OSBP2: variants seen among roughly 807,000 people sequenced by gnomAD.
OSBP2 encodes the protein oxysterol-binding protein 2.
A neutral mutation model predicts 96.0 loss-of-function variants in OSBP2; 66 were observed. That is an observed-to-expected ratio of 0.69 (90% CI 0.56 to 0.84). The LOEUF is 0.84. Ranked by LOEUF, OSBP2 falls within the 40% of genes least tolerant of loss-of-function variation. The pLI is 0.00. For missense variants in OSBP2, 1,038 were observed against 1,222.7 expected (o/e 0.85, Z 2.25); for synonymous variants, 525 against 520.9 (o/e 1.01, Z -0.11).
In OSBP2 at chr22:30,815,423, G is replaced by A. The variant is rs896208661; in HGVS notation, c.854-55006G>A. 1.7e-4 allele frequency among the ~76,000 whole-genome samples: 26 copies of A among 152,256 alleles called. 4 individuals are homozygous for A. Among genetic ancestry groups the A allele is most frequent in the Admixed American group, 1.5e-3 (23 of 15,300 alleles). ...GACACCTACTCCTTCGATATCTTCT[G>A]TACTTCCTCTGTCCTCTTGGGAAAG... On this transcript the variant is annotated intron_variant, in intron 2 of 13. Coordinates refer to ENST00000332585, the MANE Select transcript of OSBP2 (RefSeq NM_030758.4).
chr22:30,847,804 T>C (rs933133670), intron 2 of OSBP2, among the ~76,000 whole-genome samples: 1 of 152,218 alleles, frequency 6.6e-6, no homozygotes, highest in Admixed American at 6.5e-5. Context: ...GTTCTTTGTC[T>C]GTGAGATCTG....
chr22:30,723,879 C>T (rs1227318494), intron 1 of OSBP2, among the ~76,000 whole-genome samples: 1 of 152,122 alleles, frequency 6.6e-6, no homozygotes, highest in African/African-American at 2.4e-5. Flanking sequence ...GTGGATGAAC[C>T]CACATCGTTA....
Position 30,789,285 on chromosome 22 carries a change from G to A in OSBP2, c.853+47916G>A, listed in dbSNP as rs1002341153. Among the ~76,000 whole-genome samples, 9 of 152,290 alleles carry A rather than the reference G, an allele frequency of 5.9e-5. No individual in the cohort carries two copies. The East Asian group carries it at 1.7e-3, about 29-fold the overall frequency. On this transcript the variant is annotated intron_variant, in intron 2 of 13. Transcript: ENST00000332585. The stretch of plus-strand genomic sequence containing the variant: ...TCTGAGATGCAGCCTCGAGGTTGTA[G>A]GAGAGAGGATCTGGGAAGAAGTCCA...
chr22:30,777,184 T>C (rs557310544), intron 2 of OSBP2, among the ~76,000 whole-genome samples: 1 of 152,156 alleles, frequency 6.6e-6, no homozygotes, highest in African/African-American at 2.4e-5. Flanking sequence ...GAAGGCTCGA[T>C]TGGTTTTGAA....
At chr22:30,891,964 A>T (rs1343266927) in intron 8 of OSBP2, among the ~76,000 whole-genome samples, 1 of 152,124 alleles carries the variant, frequency 6.6e-6, no homozygotes, top group East Asian at 1.9e-4. Context: ...AGCTTTGCTG[A>T]TGCAGAAAGA....
chr22:30,749,116 T>TACAA (rs750175978), intron 2 of OSBP2, among the ~76,000 whole-genome samples: 3 of 152,114 alleles, frequency 2.0e-5, no homozygotes, highest in South Asian at 4.1e-4. Context: ...AGACTCTGTC[T>TACAA]ACAAACAAAC....
intron 2 of OSBP2, among the ~76,000 whole-genome samples, chr22:30,794,022 T>G (rs2090718607): frequency 1.3e-5 from 2 of 152,158 alleles, no homozygotes; most frequent in South Asian, 4.1e-4. Context: ...TGCCATAACA[T>G]GGACATCCTT....
chr22:30,808,172 G>T (rs1393504753), intron 2 of OSBP2, among the ~76,000 whole-genome samples: 4 of 152,128 alleles, frequency 2.6e-5, no homozygotes, highest in Non-Finnish European at 5.9e-5. Context: ...TGTCATAAGC[G>T]AGGTATACAC....
At chr22:30,891,340 G>A (rs994354174) in intron 8 of OSBP2, among the ~76,000 whole-genome samples, 4 of 152,312 alleles carry the variant, frequency 2.6e-5, no homozygotes, top group Non-Finnish European at 5.9e-5. Context: ...CTGGCAGGAG[G>A]AGCCTGGGTG....
At chr22:30,745,379 G>C (rs544989419) in intron 2 of OSBP2, among the ~76,000 whole-genome samples, 1 of 152,182 alleles carries the variant, frequency 6.6e-6, no homozygotes, top group East Asian at 1.9e-4. Flanking sequence ...TTAAAGTTGG[G>C]CTGGGCGTGG....
At chr22:30,868,594 C>G (rs1158288088) in intron 2 of OSBP2, among the ~76,000 whole-genome samples, 2 of 152,266 alleles carry the variant, frequency 1.3e-5, no homozygotes, top group Non-Finnish European at 2.9e-5. Flanking sequence ...TTCTGGGCTG[C>G]TGGGGCCTCC....
At chr22:30,697,153 A>T (rs1221664718) in intron 1 of OSBP2, among the ~76,000 whole-genome samples, 2 of 152,238 alleles carry the variant, frequency 1.3e-5, no homozygotes, top group Non-Finnish European at 2.9e-5. Context: ...GGTACTACTA[A>T]ACTGAAGAGT....
At chr22:30,732,358 T>A (rs1355903622) in intron 1 of OSBP2, among the ~76,000 whole-genome samples, 1 of 152,104 alleles carries the variant, frequency 6.6e-6, no homozygotes, top group Admixed American at 6.6e-5. Context: ...TCCTCTGGGT[T>A]TTATTCCAGA....
chr22:30,858,162 C>T (rs1200707522), intron 2 of OSBP2, among the ~76,000 whole-genome samples: 3 of 140,244 alleles, frequency 2.1e-5, no homozygotes, highest in Non-Finnish European at 4.5e-5. Context: ...TTTTTTGAGA[C>T]GGAGTCTCGC....
intron 2 of OSBP2, among the ~76,000 whole-genome samples, chr22:30,805,600 C>G (rs1367776912): frequency 6.6e-6 from 1 of 152,184 alleles, no homozygotes; most frequent in Non-Finnish European, 1.5e-5. Flanking sequence ...ATATTTCTTA[C>G]CATTGTCTAC....
Position 30,730,810 on chromosome 22 carries a change from T to TATATATTA in OSBP2, c.645-10351_645-10350insATATATTA, listed in dbSNP as rs1491091512. On this transcript the variant is annotated intron_variant, in intron 1 of 13. Coordinates refer to ENST00000332585, the MANE Select transcript of OSBP2 (RefSeq NM_030758.4). ...TATATATATATATATATATATATAA[T>TATATATTA]TTTTTTTTTTTTTCCCATGGACATT... Among the ~76,000 whole-genome samples the TATATATTA allele has an allele frequency of 3.7e-5, 2 of 54,782 alleles. 1 individual carries two copies. Among genetic ancestry groups the TATATATTA allele is most frequent in the African/African-American group, 1.8e-4 (2 of 11,002 alleles). 35.9% of individuals were successfully genotyped at this position (54,782 alleles called of 152,430 possible).
At chr22:30,696,091 C>T (rs1357655639) in intron 1 of OSBP2, among the ~76,000 whole-genome samples, 1 of 152,156 alleles carries the variant, frequency 6.6e-6, no homozygotes, top group Admixed American at 6.5e-5. Flanking sequence ...ATGTATTGGA[C>T]ACGGTTCTTG....
intron 2 of OSBP2, among the ~76,000 whole-genome samples, chr22:30,855,838 G>T (rs1223277299): frequency 6.6e-6 from 1 of 152,228 alleles, no homozygotes; most frequent in African/African-American, 2.4e-5. Flanking sequence ...GACCTCTGCA[G>T]ACTGGTTGTA....
chr22:30,882,708 G>A (rs998463777), intron 3 of OSBP2, among the ~76,000 whole-genome samples: 1 of 152,232 alleles, frequency 6.6e-6, no homozygotes, highest in Admixed American at 6.5e-5. Context: ...CCCAGGAGAT[G>A]AGGCTGGAGA....
Sources: gnomAD v4.1 joint callset for allele counts (sites outside exome capture counted in the v4.1 genomes callset) on GRCh38, gnomAD v4.1.1 for gene constraint, MANE v1.5 for transcripts, NCBI Gene and HGNC (gene_info 2026-07-23, HGNC 2026-07-21) for gene names.